STXBP3: variants seen among roughly 807,000 people sequenced by gnomAD.
STXBP3 encodes syntaxin-binding protein 3.
STXBP3 carries 41 observed loss-of-function variants against 85.7 expected under a neutral mutation model. The observed-to-expected ratio is 0.48, with a 90% CI of 0.37 to 0.62. The LOEUF is 0.62. STXBP3 is among the 20% of genes least tolerant of loss of function. STXBP3 has a pLI of 0.00. For missense variants in STXBP3, 563 were observed against 703.1 expected (o/e 0.80, Z 2.25); for synonymous variants, 229 against 231.7 (o/e 0.99, Z 0.10).
intron 15 of STXBP3, 59 bp downstream of exon 15, chr1:108,796,785 A>T: frequency 7.9e-7 from 1 of 1,264,832 alleles, no homozygotes. Flanking sequence ...GGTTGTATGT[A>T]TTAACTGTTT....
intron 7 of STXBP3, among the ~76,000 whole-genome samples, chr1:108,774,698 C>T (rs1274669136): frequency 7.8e-6 from 1 of 128,574 alleles, no homozygotes; most frequent in African/African-American, 3.0e-5. Context: ...AGGCTGGTCT[C>T]AAACTCCTGG....
chr1:108,768,683 A>G (rs539503865), intron 6 of STXBP3, among the ~76,000 whole-genome samples: 30 of 152,166 alleles, frequency 2.0e-4, no homozygotes, highest in Non-Finnish European at 3.5e-4. Context: ...AAACTGTGGA[A>G]CTGGTCGTAA....
In STXBP3 at chr1:108,795,818, CAG is replaced by C. The variant is rs1379709107; in HGVS notation, c.1111-415_1111-414del. Among the ~76,000 whole-genome samples, 4 of 152,154 alleles carry C rather than the reference CAG, an allele frequency of 2.6e-5. No individual in the cohort carries two copies. In the East Asian group the frequency reaches 7.7e-4, roughly 29 times the overall value. On this transcript the variant is annotated intron_variant, in intron 13 of 18. Coordinates refer to ENST00000370008, the MANE Select transcript of STXBP3 (RefSeq NM_007269.4). Reference sequence around the variant, plus strand: ...TTCATATTTTCTTGTGTAATGTCATCAGTGTTCCATTAAAATTTGACAAGATT... The same window carrying C: ...TTCATATTTTCTTGTGTAATGTCATCTGTTCCATTAAAATTTGACAAGATT...
In STXBP3 at chr1:108,782,453, A is replaced by G; in HGVS notation, c.841A>G (p.Ile281Val). 1.2e-6 allele frequency: 2 copies of G among 1,613,810 alleles called. No individual in the cohort carries two copies. Among genetic ancestry groups the G allele is most frequent in the Non-Finnish European group, 1.7e-6 (2 of 1,179,834 alleles). ...YKTDGKEKEA[I>V]LEEEDDLWVR... Reference sequence around the variant, plus strand: ...AACAGATGGAAAAGAAAAGGAGGCCATCCTTGAAGAAGAAGATGACCTCTG... The same window carrying G: ...AACAGATGGAAAAGAAAAGGAGGCCGTCCTTGAAGAAGAAGATGACCTCTG... Residue 281 changes from isoleucine (I) to valine (V), a missense_variant, in exon 10 of 19, where the codon ATC (isoleucine) becomes GTC (valine). Physicochemically the swap from Ile to Val is conservative, Grantham distance 29. Transcript: ENST00000370008.
intron 11 of STXBP3, among the ~76,000 whole-genome samples, chr1:108,787,893 G>A (rs1406805164): frequency 2.6e-5 from 4 of 151,698 alleles, no homozygotes; most frequent in Admixed American, 6.6e-5. Context: ...GGGCTCAAAC[G>A]ATCCTCCCAC....
chr1:108,789,235 G>A (rs534978817), intron 11 of STXBP3, among the ~76,000 whole-genome samples: 1 of 152,140 alleles, frequency 6.6e-6, no homozygotes, highest in South Asian at 2.1e-4. Context: ...TCCAACCTGT[G>A]GCCCATGGGT....
intron 7 of STXBP3, among the ~76,000 whole-genome samples, chr1:108,773,394 T>C (rs569899609): frequency 6.6e-6 from 1 of 152,332 alleles, no homozygotes; most frequent in Admixed American, 6.5e-5. Flanking sequence ...AATTTTACCA[T>C]AGGCTAATTG....
intron 11 of STXBP3, among the ~76,000 whole-genome samples, chr1:108,784,236 A>G (rs72697152): frequency 1.2e-3 from 182 of 152,290 alleles, no homozygotes; most frequent in Middle Eastern, 0.01. Flanking sequence ...GTAATTCACT[A>G]TATTAGTCCA....
intron 6 of STXBP3, among the ~76,000 whole-genome samples, chr1:108,770,189 G>A (rs1372126906): frequency 6.6e-6 from 1 of 152,080 alleles, no homozygotes; most frequent in Non-Finnish European, 1.5e-5. Flanking sequence ...CTAGCTACGT[G>A]GGAGGCTGAA....
At chr1:108,753,336 AG>A (rs1458447751) in intron 3 of STXBP3, 192 bp downstream of exon 3, 11 of 212,580 alleles carry the variant, frequency 5.2e-5, no homozygotes, top group Non-Finnish European at 7.8e-5. Context: ...CATATAATTA[AG>A]ACCTCTAACC....
intron 11 of STXBP3, among the ~76,000 whole-genome samples, chr1:108,786,109 C>G (rs867320522): frequency 6.6e-6 from 1 of 152,256 alleles, no homozygotes. Context: ...TCCATTCTCA[C>G]GCTTTTATGA....
At position 108,808,998 on chromosome 1, in the gene STXBP3, A is replaced by G; in HGVS notation, c.*121A>G. On this transcript the variant is annotated 3_prime_UTR_variant, in exon 19 of 19. Coordinates refer to ENST00000370008, the MANE Select transcript of STXBP3 (RefSeq NM_007269.4). ...TTTATGGAATAATGGCTTTTCAAAT[A>G]CATTTCTTAAGGAACTGTTTATGAT... 1 of 657,086 alleles carries G rather than the reference A, an allele frequency of 1.5e-6. No homozygotes were observed. 40.7% of individuals were successfully genotyped at this position (657,086 alleles called of 1,614,324 possible).
chr1:108,758,591 A>C lies in STXBP3; in HGVS notation c.337+3A>C. 1 of 1,465,706 alleles carries C rather than the reference A, an allele frequency of 6.8e-7. No homozygotes were observed. Among genetic ancestry groups the C allele is most frequent in the Non-Finnish European group, 9.1e-7 (1 of 1,092,948 alleles). The allele number at this position is 1,465,706 out of a possible 1,614,324, so 90.8% of individuals were successfully genotyped here. ...AGCATATATTTACTTCACTGACTGT[A>C]AGTCTTTTAAAAAGTTATTGCTTCA... is the stretch of plus-strand genomic sequence containing the variant. On this transcript the variant is annotated splice_donor_region_variant and intron_variant, in intron 5 of 18. Coordinates refer to ENST00000370008, the MANE Select transcript of STXBP3 (RefSeq NM_007269.4).
At chr1:108,753,289 T>A in intron 3 of STXBP3, 145 bp downstream of exon 3, 1 of 488,926 alleles carries the variant, frequency 2.0e-6, no homozygotes, top group Non-Finnish European at 3.4e-6. Flanking sequence ...CATTCTTTTC[T>A]CTGAATCTTC....
intron 11 of STXBP3, 104 bp from the exon 12 acceptor site, chr1:108,793,477 TA>T (rs1329172857): frequency 8.1e-6 from 8 of 993,210 alleles, no homozygotes; most frequent in South Asian, 5.1e-5. Flanking sequence ...AAATATTCAG[TA>T]AATTAACTAG....
At chr1:108,794,150 A>G (rs1043682313) in intron 12 of STXBP3, among the ~76,000 whole-genome samples, 1 of 152,224 alleles carries the variant, frequency 6.6e-6, no homozygotes, top group African/African-American at 2.4e-5. Flanking sequence ...GATAAATAGA[A>G]TATGAACTTG....
rs138862400 is a variant in STXBP3 at position 108,793,345 on chromosome 1, G to A, written c.964-237G>A. Among the ~76,000 whole-genome samples, 29 of 151,874 alleles carry A rather than the reference G, an allele frequency of 1.9e-4. No homozygotes were observed. The East Asian group carries it at 4.4e-3, about 23-fold the overall frequency. On this transcript the variant is annotated intron_variant, in intron 11 of 18. Coordinates refer to ENST00000370008, the MANE Select transcript of STXBP3 (RefSeq NM_007269.4). ...AGCTATTTTTATCCATTACTTGAAA[G>A]CTATTGTTTTATTTATTTGTCCAAT...
chr1:108,786,917 C>T (rs375710769), intron 11 of STXBP3, among the ~76,000 whole-genome samples: 1 of 152,264 alleles, frequency 6.6e-6, no homozygotes, highest in African/African-American at 2.4e-5. Context: ...GAATATAGCT[C>T]CACTTATGTA....
Position 108,782,637 on chromosome 1 carries a change from A to G in STXBP3, c.906-12A>G. The G allele has an allele frequency of 6.2e-7, 1 of 1,603,034 alleles. No homozygotes were observed. Among genetic ancestry groups the G allele is most frequent in the South Asian group, 1.1e-5 (1 of 88,058 alleles). ...TCTTAGAAATTTAAAGAATTCTCTC[A>G]CAATTTGACAGGGAAATTCCCAAGC... On this transcript the variant is annotated splice_polypyrimidine_tract_variant and intron_variant, in intron 10 of 18. Coordinates refer to ENST00000370008, the MANE Select transcript of STXBP3 (RefSeq NM_007269.4).
Sources: allele counts gnomAD v4.1 joint callset (sites outside exome capture counted in the v4.1 genomes callset), GRCh38; gene constraint gnomAD v4.1.1; transcripts MANE v1.5; gene names NCBI Gene and HGNC (gene_info 2026-07-23, HGNC 2026-07-21).